DMBT1: variants seen among roughly 807,000 people sequenced by gnomAD.
DMBT1 encodes the protein scavenger receptor cysteine-rich domain-containing protein DMBT1.
In DMBT1, 198 loss-of-function variants were observed where a neutral mutation model predicts 252.9. That is an observed-to-expected ratio of 0.78 (90% CI 0.70 to 0.88). The LOEUF is 0.88. Ranked by LOEUF, DMBT1 falls within the 40% of genes least tolerant of loss-of-function variation. DMBT1 has a pLI of 0.00. For missense variants in DMBT1, 2,432 were observed against 2,404.7 expected (o/e 1.01, Z -0.24); for synonymous variants, 990 against 942.7 (o/e 1.05, Z -0.92).
chr10:122,592,634 G>C (rs763156813), intron 20 of DMBT1, 39 bp downstream of exon 20: 3 of 1,586,010 alleles, frequency 1.9e-6, no homozygotes, highest in Non-Finnish European at 2.6e-6. Flanking sequence ...TCCTAGACTG[G>C]AGTTTGCTCA....
chr10:122,621,199 G>C lies in DMBT1; in HGVS notation c.5427G>C (p.Gln1809His), dbSNP rs769944649. The change falls in exon 44 of 56, where the codon CAG (glutamine) becomes CAC (histidine). Residue 1809 changes from glutamine to histidine, a missense_variant. Transcript: ENST00000338354. ...ATGATGCCAATGTGGTCTGCAGGCA[G>C]CTGGGCTGTGGCTGGGCCATGTCGG... Reference protein sequence around the residue: ...DTNDANVVCRQLGCGWAMSAP... With the variant: ...DTNDANVVCRHLGCGWAMSAP... 1 of 1,613,822 alleles carries C rather than the reference G, an allele frequency of 6.2e-7. No homozygotes were observed. Among genetic ancestry groups the C allele is most frequent in the African/African-American group, 1.3e-5 (1 of 74,936 alleles).
rs377493553 is a variant in DMBT1 at position 122,592,224 on chromosome 10, C to T, written c.2177-48C>T. 1.5e-5 allele frequency: 24 copies of T among 1,577,738 alleles called. 2 individuals carry two copies. The highest frequency in any genetic ancestry group is 2.2e-4 in the Middle Eastern group (1 of 4,498). On this transcript the variant is annotated intron_variant, in intron 19 of 55. Transcript: ENST00000338354. ...CTGAGTGTGGAACGTGCCTTAGATC[C>T]TTACCTCATGGTAGGGATGGATAAA...
Position 122,617,464 on chromosome 10 carries a change from C to T in DMBT1, c.4891+204C>T, listed in dbSNP as rs530025589. Among the ~76,000 whole-genome samples, 227 of 151,432 alleles carry T rather than the reference C, an allele frequency of 1.5e-3. 2 individuals are homozygous for T. The highest frequency in any genetic ancestry group is 2.7e-3 in the Non-Finnish European group (183 of 67,988). On this transcript the variant is annotated intron_variant, in intron 40 of 55. Coordinates refer to ENST00000338354, the MANE Select transcript of DMBT1 (RefSeq NM_001377530.1). Reference sequence around the variant, plus strand: ...TGCTGGTGACTGTCTCTCATGGGACCCTGTTCCAAGTGTTCAGGAACGATC... The same window carrying T: ...TGCTGGTGACTGTCTCTCATGGGACTCTGTTCCAAGTGTTCAGGAACGATC...
chr10:122,587,610 T>A lies in DMBT1; in HGVS notation c.1783+1227T>A, dbSNP rs569287059. Among the ~76,000 whole-genome samples the A allele has an allele frequency of 1.7e-4, 25 of 148,524 alleles. 4 individuals are homozygous for A. The South Asian group carries it at 5.5e-3, about 32-fold the overall frequency. On this transcript the variant is annotated intron_variant, in intron 16 of 55. Transcript: ENST00000338354. ...GATGTGCAAGGGAGTGGGTTGGTTT[T>A]GTGTCAACCTGATTACTATGGGCAG...
chr10:122,591,009 C>G (rs1198942523), intron 18 of DMBT1, among the ~76,000 whole-genome samples: 2 of 148,546 alleles, frequency 1.3e-5, no homozygotes, highest in African/African-American at 4.9e-5. Flanking sequence ...CTTCAGACAC[C>G]CCCAGATGCG....
intron 4 of DMBT1, among the ~76,000 whole-genome samples, chr10:122,571,281 A>C (rs2097661050): frequency 6.6e-6 from 1 of 152,200 alleles, no homozygotes; most frequent in South Asian, 2.1e-4. Context: ...TGGTGGAGGC[A>C]GGCTTCAGTC....
intron 42 of DMBT1, among the ~76,000 whole-genome samples, chr10:122,619,579 C>G (rs964831054): frequency 6.6e-6 from 1 of 152,218 alleles, no homozygotes; most frequent in Admixed American, 6.5e-5. Flanking sequence ...GTACAATGGA[C>G]AAGCCTTACA....
intron 54 of DMBT1, 21 bp from the exon 55 acceptor site, chr10:122,640,019 T>C (rs772017907): frequency 6.2e-7 from 1 of 1,606,478 alleles, no homozygotes; most frequent in Admixed American, 1.7e-5. Flanking sequence ...CTGACTCTGC[T>C]CTCTTGCCTG....
chr10:122,573,682 G>C, intron 5 of DMBT1, 33 bp from the exon 6 acceptor site: 1 of 1,613,408 alleles, frequency 6.2e-7, no homozygotes, highest in Non-Finnish European at 8.5e-7. Flanking sequence ...CGAGGGCTAC[G>C]ATCAATGAGC....
At chr10:122,564,073 TTTC>T (rs1289611181) in intron 1 of DMBT1, among the ~76,000 whole-genome samples, 3 of 152,196 alleles carry the variant, frequency 2.0e-5, no homozygotes, top group Admixed American at 6.5e-5. Flanking sequence ...CTATTGCGAG[TTTC>T]TTCTTCATTT....
rs754144160 is a variant in DMBT1 at position 122,599,089 on chromosome 10, T to C, written c.3272T>C (p.Ile1091Thr). 2.5e-6 allele frequency: 4 copies of C among 1,613,752 alleles called. No homozygotes were observed. In the African/African-American group the frequency reaches 5.3e-5, roughly 22 times the overall value. The change falls in exon 26 of 56, where the codon ATC becomes ACC. Residue 1091 changes from isoleucine to threonine, a missense_variant. Physicochemically the swap from Ile to Thr is moderately conservative, Grantham distance 89. Coordinates refer to ENST00000338354, the MANE Select transcript of DMBT1 (RefSeq NM_001377530.1). Reference sequence around the variant, plus strand: ...GGCCATAGTGAAGACGCTGGTGTCATCTGCTCAGGTGGGCCTTCAAGAACT... The same window carrying C: ...GGCCATAGTGAAGACGCTGGTGTCACCTGCTCAGGTGGGCCTTCAAGAACT... ...NCGHSEDAGV[I>T]CSASQSRPTP...
At chr10:122,592,696 G>A (rs974050301) in intron 20 of DMBT1, 101 bp downstream of exon 20, 3 of 1,536,930 alleles carry the variant, frequency 2.0e-6, no homozygotes, top group Non-Finnish European at 2.6e-6. Context: ...ATTCTTCTAT[G>A]TTTCCTATAT....
At chr10:122,577,287 G>C (rs2097720911) in intron 7 of DMBT1, among the ~76,000 whole-genome samples, 1 of 152,184 alleles carries the variant, frequency 6.6e-6, no homozygotes, top group Non-Finnish European at 1.5e-5. Flanking sequence ...CGCTGACCCA[G>C]AGGGAAGGAT....
rs1350487054 is a variant in DMBT1 at position 122,570,199 on chromosome 10, T to A, written c.129T>A (p.Thr43=). The A allele has an allele frequency of 6.3e-7, 1 of 1,587,308 alleles. No homozygotes were observed. Among genetic ancestry groups the A allele is most frequent in the East Asian group, 2.2e-5 (1 of 44,682 alleles). ...CCTCGGAGGTGCCCTTGGATCCAAC[T>A]GTAGCAGAAGGTAAGGTCTATTATG... The part of the protein sequence containing the change: ...LIPSEVPLDP[T]VAEGSPFPSE... Residue 43 remains threonine (T), a synonymous_variant, in exon 3 of 56, where the codon ACT becomes ACA. Coordinates refer to ENST00000338354, the MANE Select transcript of DMBT1 (RefSeq NM_001377530.1).
chr10:122,597,634 G>T (rs1035747074), intron 24 of DMBT1, among the ~76,000 whole-genome samples: 3 of 152,190 alleles, frequency 2.0e-5, no homozygotes, highest in Non-Finnish European at 4.4e-5. Flanking sequence ...TCAGCTCCTT[G>T]GTTTCCCTAA....
chr10:122,629,562 T>A (rs1416990677), intron 46 of DMBT1, among the ~76,000 whole-genome samples: 1 of 152,180 alleles, frequency 6.6e-6, no homozygotes. Flanking sequence ...TTCTTGGCAT[T>A]TTTGCTAGAG....
At chr10:122,575,722 G>T (rs1010805363) in intron 6 of DMBT1, among the ~76,000 whole-genome samples, 1 of 152,310 alleles carries the variant, frequency 6.6e-6, no homozygotes, top group African/African-American at 2.4e-5. Flanking sequence ...AGGGAATGTT[G>T]TGAGTACACA....
chr10:122,643,097 C>T (rs1844862856), intron 55 of DMBT1, 25 bp from the exon 56 acceptor site: 1 of 1,608,754 alleles, frequency 6.2e-7, no homozygotes, highest in East Asian at 2.2e-5. Context: ...TTGGTGAGAG[C>T]TAAGGGGCTA....
At chr10:122,561,020 A>G (rs1469789234) in intron 1 of DMBT1, among the ~76,000 whole-genome samples, 189 bp downstream of exon 1, 1 of 152,220 alleles carries the variant, frequency 6.6e-6, no homozygotes, top group African/African-American at 2.4e-5. Context: ...TGGCTGAGAA[A>G]TATAAATGGT....
Sources: gnomAD v4.1 joint callset for allele counts (sites outside exome capture counted in the v4.1 genomes callset) on GRCh38, gnomAD v4.1.1 for gene constraint, MANE v1.5 for transcripts, NCBI Gene and HGNC (gene_info 2026-07-23, HGNC 2026-07-21) for gene names.